The following UGT1A3 variants were observed in gnomAD, a reference collection of about 807,000 sequenced individuals.
The protein encoded by UGT1A3 is UDP glucuronosyltransferase family 1 member A3.
In UGT1A3, 31 loss-of-function variants were observed where a neutral mutation model predicts 41.0. The observed-to-expected ratio is 0.76, with a 90% CI of 0.57 to 1.02. The LOEUF (loss-of-function observed/expected upper bound fraction) is 1.02. Among genes scored for constraint, UGT1A3 ranks in the 50% least tolerant of loss-of-function variants. The pLI, the probability that UGT1A3 is intolerant of heterozygous loss-of-function variation, is 0.00. For missense variants in UGT1A3, 737 were observed against 671.0 expected (o/e 1.10, Z -1.09); for synonymous variants, 262 against 257.6 (o/e 1.02, Z -0.17).
Position 233,746,504 on chromosome 2 carries a change from C to T in UGT1A3, c.867+16511C>T, listed in dbSNP as rs747424626. 1.1e-4 allele frequency among the ~76,000 whole-genome samples: 17 copies of T among 151,868 alleles called. 1 individual carries two copies. Among genetic ancestry groups the T allele is most frequent in the East Asian group, 5.8e-4 (3 of 5,180 alleles). Reference sequence around the variant, plus strand: ...CCATGGACATGTCACTCTTTAGTAGCCCCCAAAGCAAGACCATCATATTGC... The same window carrying T: ...CCATGGACATGTCACTCTTTAGTAGTCCCCAAAGCAAGACCATCATATTGC... On this transcript the variant is annotated intron_variant, in intron 1 of 4. Transcript: ENST00000482026.
intron 1 of UGT1A3, chr2:233,747,970 C>T: frequency 6.2e-7 from 1 of 1,613,476 alleles, no homozygotes; most frequent in Non-Finnish European, 8.5e-7. Context: ...AGCCATGCAT[C>T]TGTGTGGCTG....
intron 1 of UGT1A3, among the ~76,000 whole-genome samples, chr2:233,744,598 C>G (rs1055879945): frequency 2.0e-5 from 3 of 151,878 alleles, no homozygotes; most frequent in East Asian, 3.8e-4. Context: ...TTGCATCTCT[C>G]TTTAGTACTT....
At chr2:233,743,092 C>A (rs1287220574) in intron 1 of UGT1A3, 2 of 346,770 alleles carry the variant, frequency 5.8e-6, no homozygotes, top group African/African-American at 2.2e-5. Flanking sequence ...TTTATAAATT[C>A]TTGGGTACAG....
intron 1 of UGT1A3, chr2:233,756,060 G>T (rs1357944453): frequency 6.6e-6 from 1 of 152,200 alleles, no homozygotes; most frequent in African/African-American, 2.4e-5. Flanking sequence ...CTGTACACTT[G>T]TGGGAGAATG....
At chr2:233,752,930 C>G (rs1695091959) in intron 1 of UGT1A3, among the ~76,000 whole-genome samples, 1 of 152,236 alleles carries the variant, frequency 6.6e-6, no homozygotes, top group South Asian at 2.1e-4. Context: ...TGGTATGCCA[C>G]TCTTTGCTGA....
In UGT1A3 at chr2:233,729,361, A is replaced by G. The variant is rs781679584; in HGVS notation, c.235A>G (p.Thr79Ala). The change falls in exon 1 of 5, where the codon ACC (threonine) becomes GCC (alanine). Residue 79 changes from threonine (T) to alanine (A), a missense_variant. By Grantham distance (58) the Thr-to-Ala change is moderately conservative (BLOSUM62 0). Coordinates refer to ENST00000482026, the MANE Select transcript of UGT1A3 (RefSeq NM_019093.4). ...AGAAGAGAACTTTTTCACCCTGACAACCTATGCCATTTCGTGGACCCAGGA... is the reference window on the plus strand; with the variant it reads ...AGAAGAGAACTTTTTCACCCTGACAGCCTATGCCATTTCGTGGACCCAGGA... ...IKEENFFTLTTYAISWTQDEF... is the reference protein window; with the variant it reads ...IKEENFFTLTAYAISWTQDEF... 50 of 1,613,972 alleles carry G rather than the reference A, an allele frequency of 3.1e-5. No individual in the cohort carries two copies. Among genetic ancestry groups the G allele is most frequent in the Non-Finnish European group, 3.8e-5 (45 of 1,179,992 alleles).
chr2:233,754,525 G>T (rs1133497), intron 1 of UGT1A3: 18 of 367,412 alleles, frequency 4.9e-5, no homozygotes, highest in East Asian at 2.2e-4. Flanking sequence ...GTGCTTAAAG[G>T]CAAATGTGGA....
At chr2:233,759,153 G>A (rs1244080154) in intron 1 of UGT1A3, among the ~76,000 whole-genome samples, 1 of 152,246 alleles carries the variant, frequency 6.6e-6, no homozygotes, top group Non-Finnish European at 1.5e-5. Flanking sequence ...GAGTTCCACA[G>A]AACACAAGGC....
At position 233,747,700 on chromosome 2, in the gene UGT1A3, A is replaced by G. The variant is rs538337941; in HGVS notation, c.867+17707A>G. On this transcript the variant is annotated intron_variant, in intron 1 of 4. Transcript: ENST00000482026. ...TACCTCTGTGGGGCAGTGCTGGCTA[A>G]GTACCTATCAATTCCTGCTGTGTTT... 8 of 1,612,196 alleles carry G rather than the reference A, an allele frequency of 5.0e-6. No individual in the cohort carries two copies. In the East Asian group the frequency reaches 8.9e-5, roughly 18 times the overall value.
chr2:233,765,533 A>G (rs1474506324), intron 1 of UGT1A3, among the ~76,000 whole-genome samples: 2 of 151,964 alleles, frequency 1.3e-5, no homozygotes, highest in African/African-American at 4.8e-5. Flanking sequence ...GCATGTTCTC[A>G]CTCATAAGTG....
intron 1 of UGT1A3, among the ~76,000 whole-genome samples, chr2:233,744,391 C>A (rs1383619511): frequency 6.6e-6 from 1 of 151,826 alleles, no homozygotes; most frequent in Non-Finnish European, 1.5e-5. Flanking sequence ...ACGTTCCAGC[C>A]CCGGTGCCCA....
chr2:233,767,857 G>A lies in UGT1A3; in HGVS notation c.1008G>A (p.Trp336Ter), dbSNP rs1699508733. The change falls in exon 3 of 5, where the codon TGG becomes TGA. Residue 336 changes from tryptophan (W) to a stop codon, truncating the protein, a stop_gained. Coordinates refer to ENST00000482026, the MANE Select transcript of UGT1A3 (RefSeq NM_019093.4). LOFTEE classifies it high-confidence loss of function. ...ALGKIPQTVL[W>*]RYTGTRPSNL... Reference sequence around the variant, plus strand: ...CTTTTTGCCCCTCCCAGGTCCTGTGGCGGTACACTGGAACCCGACCATCGA... The same window carrying A: ...CTTTTTGCCCCTCCCAGGTCCTGTGACGGTACACTGGAACCCGACCATCGA... 6.2e-7 allele frequency: 1 copy of A among 1,613,994 alleles called. No homozygotes were observed. The highest frequency in any genetic ancestry group is 1.1e-5 in the South Asian group (1 of 91,076).
At chr2:233,759,366 G>C (rs1046941643) in intron 1 of UGT1A3, among the ~76,000 whole-genome samples, 1 of 152,134 alleles carries the variant, frequency 6.6e-6, no homozygotes, top group Non-Finnish European at 1.5e-5. Context: ...ACTATAAAAA[G>C]GTACAGGTTT....
intron 1 of UGT1A3, chr2:233,747,341 C>T: frequency 6.2e-7 from 1 of 1,603,526 alleles, no homozygotes; most frequent in Non-Finnish European, 8.5e-7. Flanking sequence ...CACTGGCTCG[C>T]ATGCGGGAGG....
At chr2:233,740,343 G>A (rs1691372843) in intron 1 of UGT1A3, among the ~76,000 whole-genome samples, 1 of 151,960 alleles carries the variant, frequency 6.6e-6, no homozygotes, top group African/African-American at 2.4e-5. Flanking sequence ...AAGTTGATGA[G>A]AAAGTGGAAT....
chr2:233,763,191 T>C lies in UGT1A3; in HGVS notation c.868-3843T>C, dbSNP rs182750749. Among the ~76,000 whole-genome samples, 498 of 152,362 alleles carry C rather than the reference T, an allele frequency of 3.3e-3. 1 individual carries two copies. Among genetic ancestry groups the C allele is most frequent in the South Asian group, 5.6e-3 (27 of 4,830 alleles). ...GTTGACTACATATTTGTTGTTGCCT[T>C]GTTTGGTGCAGTCAGGCTTAGGTGT... is the stretch of plus-strand genomic sequence containing the variant. On this transcript the variant is annotated intron_variant, in intron 1 of 4. Coordinates refer to ENST00000482026, the MANE Select transcript of UGT1A3 (RefSeq NM_019093.4).
At chr2:233,760,223 T>G (rs1453955510) in intron 1 of UGT1A3, 1 of 1,589,146 alleles carries the variant, frequency 6.3e-7, no homozygotes, top group African/African-American at 1.5e-5. Flanking sequence ...GTGTATCGAT[T>G]GGTTTTTGCC....
At chr2:233,756,970 G>A (rs550793027) in intron 1 of UGT1A3, among the ~76,000 whole-genome samples, 57 of 152,062 alleles carry the variant, frequency 3.7e-4, no homozygotes, top group Non-Finnish European at 5.3e-4. Context: ...TGGTAAGCAC[G>A]CAATGAACAG....
chr2:233,769,725 C>T lies in UGT1A3; in HGVS notation c.1307+1286C>T, dbSNP rs1699926771. The T allele has an allele frequency of 6.7e-7, 1 of 1,483,194 alleles. No homozygotes were observed. Among genetic ancestry groups the T allele is most frequent in the Non-Finnish European group, 9.0e-7 (1 of 1,115,276 alleles). 91.9% of individuals were successfully genotyped at this position (1,483,194 alleles called of 1,614,324 possible). On this transcript the variant is annotated intron_variant, in intron 4 of 4. Transcript: ENST00000482026. This position sits in a 1 kb window ranked among gnomAD's most constrained non-coding sequence, Gnocchi z 4.4. The stretch of plus-strand genomic sequence containing the variant: ...TCAATGTTGGCTAGGCACCATGGCA[C>T]ACGCCTGTAGTCCCAGCCACTCTGG...
Sources: gnomAD v4.1 joint callset for allele counts (sites outside exome capture counted in the v4.1 genomes callset) on GRCh38, gnomAD v4.1.1 for gene constraint, Gnocchi (gnomAD v3.1) non-coding constraint, MANE v1.5 for transcripts, NCBI Gene and HGNC (gene_info 2026-07-23, HGNC 2026-07-21) for gene names.